The following PDE1A variants were observed in gnomAD, a reference collection of about 807,000 sequenced individuals.
PDE1A encodes the protein phosphodiesterase 1A.
Under a neutral mutation model 61.7 loss-of-function variants are expected in PDE1A, and 35 were observed. The ratio of observed to expected loss-of-function variants is 0.57; its 90% CI spans 0.43 to 0.75. The LOEUF is 0.75. Ranked by LOEUF, PDE1A falls within the 30% of genes least tolerant of loss-of-function variation. The pLI is 0.00. For missense variants in PDE1A, 597 were observed against 630.6 expected, an observed-to-expected ratio of 0.95 and a Z score of 0.57; for synonymous variants, 232 against 213.2, an observed-to-expected ratio of 1.09 and a Z score of -0.77.
the PDE1A span, among the ~76,000 whole-genome samples, chr2:182,570,590 T>C: frequency 7.9e-5 from 12 of 152,312 alleles, no homozygotes; most frequent in Non-Finnish European, 1.2e-4. Flanking sequence ...TCTTAGAGCA[T>C]ACACCAATAA....
chr2:182,276,136 T>C (rs1017581625), intron 1 of PDE1A, among the ~76,000 whole-genome samples: 5 of 152,014 alleles, frequency 3.3e-5, no homozygotes, highest in Non-Finnish European at 7.4e-5. Context: ...TTCCATTCTC[T>C]CTCTTTTCTC....
At chr2:182,558,966 T>C in the PDE1A span, among the ~76,000 whole-genome samples, 1 of 152,196 alleles carries the variant, frequency 6.6e-6, no homozygotes, top group African/African-American at 2.4e-5. Flanking sequence ...ACATATTCTT[T>C]GATCATCGCT....
chr2:182,558,267 T>A, the PDE1A span, among the ~76,000 whole-genome samples: 1 of 151,470 alleles, frequency 6.6e-6, no homozygotes, highest in Non-Finnish European at 1.5e-5. Context: ...ACCAAAAGAG[T>A]CTACAAATAT....
chr2:182,151,184 T>C (rs572346878), intron 13 of PDE1A, among the ~76,000 whole-genome samples: 3 of 152,146 alleles, frequency 2.0e-5, no homozygotes, highest in Non-Finnish European at 4.4e-5. Flanking sequence ...GCTTCCTGGG[T>C]TCAAGCGATT....
At chr2:182,346,360 C>G (rs760328446) in intron 1 of PDE1A, among the ~76,000 whole-genome samples, 1 of 151,874 alleles carries the variant, frequency 6.6e-6, no homozygotes, top group South Asian at 2.1e-4. Context: ...AGAAAAAATA[C>G]GGTAGAACTA....
chr2:182,213,570 T>G (rs1196538767), intron 7 of PDE1A, among the ~76,000 whole-genome samples: 9 of 99,352 alleles, frequency 9.1e-5, no homozygotes, highest in East Asian at 3.3e-4. Context: ...GAGAAGTGCT[T>G]AAAGGAGCTG....
chr2:182,187,720 T>C (rs1685329877), intron 11 of PDE1A, among the ~76,000 whole-genome samples: 1 of 151,158 alleles, frequency 6.6e-6, no homozygotes, highest in Non-Finnish European at 1.5e-5. Flanking sequence ...TTTTAAGTTC[T>C]ATGTTCTTTT....
At chr2:182,303,888 T>A (rs1379416508) in intron 1 of PDE1A, among the ~76,000 whole-genome samples, 1 of 145,590 alleles carries the variant, frequency 6.9e-6, no homozygotes, top group Non-Finnish European at 1.5e-5. Flanking sequence ...GATGGCTTCT[T>A]TTCTGTTTGT....
the PDE1A span, among the ~76,000 whole-genome samples, chr2:182,633,641 G>T: frequency 6.6e-6 from 1 of 152,156 alleles, no homozygotes; most frequent in Non-Finnish European, 1.5e-5. Context: ...TTCTCATTTT[G>T]TTCCCACTCT....
At chr2:182,258,267 A>G (rs191153377) in intron 2 of PDE1A, among the ~76,000 whole-genome samples, 17 of 152,356 alleles carry the variant, frequency 1.1e-4, no homozygotes, top group Admixed American at 3.3e-4. Flanking sequence ...AGTTTGGAGA[A>G]CAGGAGGAAG....
chr2:182,396,858 G>C (rs1701732866), intron 1 of PDE1A, among the ~76,000 whole-genome samples: 2 of 152,178 alleles, frequency 1.3e-5, no homozygotes, highest in African/African-American at 4.8e-5. Flanking sequence ...AGTTAATACT[G>C]AGTGTATTCA....
chr2:182,254,669 A>C (rs1164014800), intron 2 of PDE1A, among the ~76,000 whole-genome samples: 1 of 152,156 alleles, frequency 6.6e-6, no homozygotes, highest in Non-Finnish European at 1.5e-5. Context: ...CAATGATTAG[A>C]GACTAATCAT....
chr2:182,695,253 A>G, the PDE1A span, among the ~76,000 whole-genome samples: 1 of 152,146 alleles, frequency 6.6e-6, no homozygotes, highest in African/African-American at 2.4e-5. Flanking sequence ...ATAAGAGAAG[A>G]GAGGTCAGAG....
chr2:182,330,329 A>C (rs1415835241), intron 1 of PDE1A, among the ~76,000 whole-genome samples: 2 of 119,626 alleles, frequency 1.7e-5, no homozygotes, highest in Non-Finnish European at 3.6e-5. Context: ...GGGTGACAAC[A>C]GCAAAACTCA....
the PDE1A span, among the ~76,000 whole-genome samples, chr2:182,540,113 C>T: frequency 6.6e-6 from 1 of 152,156 alleles, no homozygotes. Flanking sequence ...ACGTGTAATT[C>T]AGCACTTTGG....
chr2:182,605,535 G>A, the PDE1A span, among the ~76,000 whole-genome samples: 2 of 152,214 alleles, frequency 1.3e-5, no homozygotes, highest in African/African-American at 4.8e-5. Flanking sequence ...ATCTCCAATG[G>A]ATGGCCTCGT....
intron 2 of PDE1A, among the ~76,000 whole-genome samples, chr2:182,257,349 T>C (rs755281602): frequency 3.9e-5 from 6 of 152,214 alleles, no homozygotes; most frequent in African/African-American, 1.2e-4. Context: ...ACTTTGACAT[T>C]TGAAAAGTCA....
chr2:182,619,495 A>C, the PDE1A span, among the ~76,000 whole-genome samples: 1 of 152,050 alleles, frequency 6.6e-6, no homozygotes, highest in Non-Finnish European at 1.5e-5. Context: ...AATACAGCAG[A>C]ATTTGTCAGA....
At chr2:182,437,836 C>A (rs763342452) in intron 2 of PDE1A, among the ~76,000 whole-genome samples, 1 of 151,764 alleles carries the variant, frequency 6.6e-6, no homozygotes, top group Non-Finnish European at 1.5e-5. Context: ...AAATAATTTT[C>A]TTTTCCAGTG....
Sources: allele counts gnomAD v4.1 joint callset (sites outside exome capture counted in the v4.1 genomes callset), GRCh38; gene constraint gnomAD v4.1.1; transcripts MANE v1.5; gene names NCBI Gene and HGNC (gene_info 2026-07-23, HGNC 2026-07-21).